The following GRIK4 variants were observed in gnomAD, a reference collection of about 807,000 sequenced individuals.
GRIK4 encodes glutamate ionotropic receptor kainate type subunit 4, also known as glutamate receptor ionotropic, kainate 4.
In GRIK4, 40 loss-of-function variants were observed where a neutral mutation model predicts 104.9. The ratio of observed to expected loss-of-function variants is 0.38; its 90% CI spans 0.30 to 0.50. The LOEUF (loss-of-function observed/expected upper bound fraction) is 0.50, where lower values mean the gene tolerates loss of function less well. Among genes scored for constraint, GRIK4 ranks in the 20% least tolerant of loss-of-function variants. The pLI is 0.93. For missense variants in GRIK4, 1,047 were observed against 1,308.1 expected (o/e 0.80, Z 3.08); for synonymous variants, 485 against 524.9 (o/e 0.92, Z 1.04).
chr11:120,867,492 C>G (rs1198555871), intron 9 of GRIK4, among the ~76,000 whole-genome samples: 1 of 152,148 alleles, frequency 6.6e-6, no homozygotes, highest in Non-Finnish European at 1.5e-5. Context: ...TTCTGTTTCT[C>G]TCTCTCCACA....
intron 17 of GRIK4, among the ~76,000 whole-genome samples, chr11:120,961,939 C>T (rs1944293921): frequency 6.6e-6 from 1 of 152,190 alleles, no homozygotes; most frequent in Non-Finnish European, 1.5e-5. Flanking sequence ...AGTTCTCTGA[C>T]TTGTTATTAT....
chr11:120,550,290 A>C (rs1948126431), intron 1 of GRIK4, among the ~76,000 whole-genome samples: 1 of 106,178 alleles, frequency 9.4e-6, no homozygotes, highest in African/African-American at 3.5e-5. Flanking sequence ...ATCTGGAGTG[A>C]GTGGGAGGAG....
At chr11:120,514,862 C>A in intron 1 of GRIK4, 1 of 410,654 alleles carries the variant, frequency 2.4e-6, no homozygotes, top group Non-Finnish European at 4.9e-6. Context: ...TTTGCTCTCC[C>A]ACTGCCGTGG....
chr11:120,664,615 T>C (rs537577822), intron 3 of GRIK4, among the ~76,000 whole-genome samples: 3 of 152,316 alleles, frequency 2.0e-5, no homozygotes, highest in African/African-American at 7.2e-5. Context: ...CTCTTCCTGC[T>C]CTTCTAGAGC....
At chr11:120,527,304 A>G (rs1296338965) in intron 1 of GRIK4, among the ~76,000 whole-genome samples, 1 of 152,148 alleles carries the variant, frequency 6.6e-6, no homozygotes, top group African/African-American at 2.4e-5. Context: ...CAGGGTGGAG[A>G]TGCTTCCAGA....
chr11:120,597,015 G>A (rs891756366), intron 1 of GRIK4, among the ~76,000 whole-genome samples: 4 of 152,176 alleles, frequency 2.6e-5, no homozygotes, highest in African/African-American at 9.7e-5. Flanking sequence ...GTGAGCCACC[G>A]CGCCTGGCTG....
chr11:120,908,771 C>T (rs1942928931), intron 13 of GRIK4, among the ~76,000 whole-genome samples: 1 of 152,246 alleles, frequency 6.6e-6, no homozygotes, highest in Non-Finnish European at 1.5e-5. Flanking sequence ...TCCCATCTCT[C>T]ACTGACTGAA....
intron 3 of GRIK4, among the ~76,000 whole-genome samples, chr11:120,688,554 C>T (rs537239645): frequency 1.3e-5 from 2 of 152,318 alleles, no homozygotes; most frequent in African/African-American, 4.8e-5. Context: ...GAGTGTTCAG[C>T]AAGCCCAGGA....
intron 1 of GRIK4, among the ~76,000 whole-genome samples, chr11:120,633,754 G>A (rs1004049666): frequency 3.9e-5 from 6 of 152,282 alleles, no homozygotes; most frequent in South Asian, 2.1e-4. Flanking sequence ...GAGTTTCTCT[G>A]TCTCCCTGCT....
chr11:120,828,729 C>T (rs1012241110), intron 6 of GRIK4, among the ~76,000 whole-genome samples: 9 of 152,114 alleles, frequency 5.9e-5, no homozygotes, highest in African/African-American at 1.2e-4. Flanking sequence ...GAGGACTCGC[C>T]GCCTCCTCCT....
chr11:120,976,352 G>C (rs1229952938), intron 19 of GRIK4, among the ~76,000 whole-genome samples: 1 of 152,096 alleles, frequency 6.6e-6, no homozygotes, highest in African/African-American at 2.4e-5. Context: ...AATGTGCTAG[G>C]TCTAGTCACC....
chr11:120,697,063 T>G (rs1377977411), intron 3 of GRIK4, among the ~76,000 whole-genome samples: 2 of 152,180 alleles, frequency 1.3e-5, no homozygotes, highest in African/African-American at 4.8e-5. Context: ...AGCTCATCCT[T>G]CAACCCGTTC....
At chr11:120,779,958 G>A (rs998179481) in intron 3 of GRIK4, among the ~76,000 whole-genome samples, 1 of 152,200 alleles carries the variant, frequency 6.6e-6, no homozygotes, top group Non-Finnish European at 1.5e-5. Flanking sequence ...GGGGCAGCCT[G>A]TGGATGCCTT....
At chr11:120,929,124 G>T (rs1174202529) in intron 13 of GRIK4, among the ~76,000 whole-genome samples, 2 of 152,188 alleles carry the variant, frequency 1.3e-5, no homozygotes, top group African/African-American at 4.8e-5. Flanking sequence ...TCCTGGTTCT[G>T]AAAGAAGGGA....
intron 1 of GRIK4, among the ~76,000 whole-genome samples, chr11:120,541,399 TA>T (rs1483791940): frequency 1.3e-5 from 2 of 152,220 alleles, no homozygotes; most frequent in Non-Finnish European, 2.9e-5. Flanking sequence ...TATTTCTGAG[TA>T]AGCCTTTTGA....
chr11:120,889,496 T>TA lies in GRIK4; in HGVS notation c.1165-9026dup, dbSNP rs368566344. Among the ~76,000 whole-genome samples, 173 of 129,044 alleles carry TA rather than the reference T, an allele frequency of 1.3e-3. 1 individual carries two copies. Among genetic ancestry groups the TA allele is most frequent in the African/African-American group, 4.4e-3 (154 of 34,782 alleles). The allele number at this position is 129,044 out of a possible 152,430, so 84.7% of individuals were successfully genotyped here. On this transcript the variant is annotated intron_variant, in intron 11 of 20. Coordinates refer to ENST00000527524, the MANE Select transcript of GRIK4 (RefSeq NM_014619.5). ...CAACTTAGTACCCTGAACCTGAGAG[T>TA]AAAAAAAAAAGAGTCATTGGTTATG...
chr11:120,785,864 G>A (rs1952259098), intron 3 of GRIK4, among the ~76,000 whole-genome samples: 2 of 152,126 alleles, frequency 1.3e-5, no homozygotes, highest in Admixed American at 6.5e-5. Flanking sequence ...CTGCCCTCCT[G>A]GCCCTTTTGG....
At chr11:120,799,478 C>A (rs1322968714) in intron 3 of GRIK4, among the ~76,000 whole-genome samples, 1 of 152,214 alleles carries the variant, frequency 6.6e-6, no homozygotes, top group African/African-American at 2.4e-5. Flanking sequence ...CCCCCTGCTT[C>A]GCAGCAAATC....
At chr11:120,695,173 G>A (rs946562889) in intron 3 of GRIK4, among the ~76,000 whole-genome samples, 2 of 152,204 alleles carry the variant, frequency 1.3e-5, no homozygotes, top group African/African-American at 4.8e-5. Context: ...GGAGCATGGG[G>A]GGTGTTCATT....
Sources: gnomAD v4.1 joint callset for allele counts (sites outside exome capture counted in the v4.1 genomes callset) on GRCh38, gnomAD v4.1.1 for gene constraint, MANE v1.5 for transcripts, NCBI Gene and HGNC (gene_info 2026-07-23, HGNC 2026-07-21) for gene names.